The following CPED1 variants were observed in gnomAD, a reference collection of about 807,000 sequenced individuals.
CPED1 encodes cadherin-like and PC-esterase domain-containing protein 1.
Under a neutral mutation model 128.2 loss-of-function variants are expected in CPED1, and 114 were observed. That is an observed-to-expected ratio of 0.89 (90% CI 0.76 to 1.04). The LOEUF is 1.04. CPED1 is among the 50% of genes least tolerant of loss of function. CPED1 has a pLI of 0.00. For missense variants in CPED1, 1,211 were observed against 1,207.1 expected (o/e 1.00, Z -0.05); for synonymous variants, 462 against 426.7 (o/e 1.08, Z -1.02).
At chr7:121,048,151 C>G (rs1386861330) in intron 4 of CPED1, among the ~76,000 whole-genome samples, 1 of 152,090 alleles carries the variant, frequency 6.6e-6, no homozygotes, top group Admixed American at 6.5e-5. Flanking sequence ...TTTCAACAAC[C>G]ATTTGTAGTT....
intron 16 of CPED1, among the ~76,000 whole-genome samples, chr7:121,197,380 T>C (rs1797295170): frequency 6.6e-6 from 1 of 152,182 alleles, no homozygotes; most frequent in Non-Finnish European, 1.5e-5. Flanking sequence ...ACTGCTGCTA[T>C]GGATAACACC....
At chr7:121,295,339 C>T (rs971364286) in intron 22 of CPED1, 101 bp from the exon 23 acceptor site, 2 of 1,384,654 alleles carry the variant, frequency 1.4e-6, no homozygotes, top group African/African-American at 1.4e-5. Flanking sequence ...CTTTTAGCAA[C>T]ATCTGTGTGG....
intron 7 of CPED1, among the ~76,000 whole-genome samples, chr7:121,120,962 G>T (rs1795368155): frequency 1.1e-5 from 1 of 93,406 alleles, no homozygotes; most frequent in Non-Finnish European, 2.0e-5. Flanking sequence ...GACAGTTCCT[G>T]ACCTAAAAAA....
intron 16 of CPED1, among the ~76,000 whole-genome samples, chr7:121,233,900 T>G (rs901589608): frequency 2.0e-5 from 3 of 152,060 alleles, no homozygotes; most frequent in Non-Finnish European, 4.4e-5. Context: ...GCTCATTCTA[T>G]TTTTTCTGCC....
intron 7 of CPED1, among the ~76,000 whole-genome samples, chr7:121,107,164 A>G (rs980226451): frequency 1.3e-5 from 2 of 152,000 alleles, no homozygotes; most frequent in African/African-American, 4.8e-5. Flanking sequence ...TTAAGGCAAA[A>G]CTCCCTGCAA....
chr7:121,109,145 T>G lies in CPED1; in HGVS notation c.918+9051T>G, dbSNP rs74405429. 9.2e-4 allele frequency among the ~76,000 whole-genome samples: 140 copies of G among 152,194 alleles called. 2 individuals carry two copies. The highest frequency in any genetic ancestry group is 3.3e-3 in the African/African-American group (135 of 41,538). ...GATATTATGATATAGAACTGAAAAT[T>G]TGTGTTTTATTTCTCTGAGTGCTAC... is the stretch of plus-strand genomic sequence containing the variant. On this transcript the variant is annotated intron_variant, in intron 7 of 22. Transcript: ENST00000310396.
At chr7:121,270,679 G>C (rs577660232) in intron 21 of CPED1, among the ~76,000 whole-genome samples, 1 of 151,986 alleles carries the variant, frequency 6.6e-6, no homozygotes, top group Non-Finnish European at 1.5e-5. Context: ...GTTGAAATAA[G>C]TTGGTTATAG....
intron 4 of CPED1, among the ~76,000 whole-genome samples, chr7:121,060,898 C>T (rs1386609484): frequency 6.6e-6 from 1 of 152,190 alleles, no homozygotes; most frequent in Non-Finnish European, 1.5e-5. Context: ...ACACTCACTG[C>T]GAAGATCTGC....
chr7:121,294,369 C>T (rs1792776202), intron 22 of CPED1, among the ~76,000 whole-genome samples: 1 of 152,076 alleles, frequency 6.6e-6, no homozygotes, highest in Admixed American at 6.6e-5. Flanking sequence ...CATGATGCTT[C>T]TTAAAACCGC....
Position 121,038,883 on chromosome 7 carries a change from T to C in CPED1, c.434-8004T>C, listed in dbSNP as rs140507669. On this transcript the variant is annotated intron_variant, in intron 3 of 22. Transcript: ENST00000310396. ...GTTTGAAGGAGTGTGAACACAGAGA[T>C]AAAGCATCATCCTTATCATGTCATG... Among the ~76,000 whole-genome samples the C allele has an allele frequency of 4.6e-5, 7 of 152,190 alleles. No homozygotes were observed. The East Asian group carries it at 1.4e-3, about 29-fold the overall frequency.
intron 16 of CPED1, among the ~76,000 whole-genome samples, chr7:121,234,982 C>T (rs893277744): frequency 9.2e-5 from 14 of 152,112 alleles, no homozygotes; most frequent in African/African-American, 3.1e-4. Context: ...GTTGCAGAGT[C>T]TCTGCACTTT....
At chr7:121,186,384 T>C (rs1157352591) in intron 16 of CPED1, among the ~76,000 whole-genome samples, 1 of 152,186 alleles carries the variant, frequency 6.6e-6, no homozygotes, top group Non-Finnish European at 1.5e-5. Context: ...CTAGCACTTA[T>C]CTGTTATTAT....
chr7:121,109,914 G>A (rs1418404236), intron 7 of CPED1, among the ~76,000 whole-genome samples: 11 of 152,130 alleles, frequency 7.2e-5, no homozygotes, highest in Admixed American at 7.2e-4. Context: ...TGAATAGGAC[G>A]ATGATTACAT....
chr7:121,201,094 T>A (rs951987665), intron 16 of CPED1, among the ~76,000 whole-genome samples: 1 of 152,044 alleles, frequency 6.6e-6, no homozygotes, highest in Admixed American at 6.6e-5. Flanking sequence ...GAAAATCGGA[T>A]CTGAGATACA....
rs541540096 is a variant in CPED1 at position 121,097,349 on chromosome 7, T to A, written c.617-350T>A. Among the ~76,000 whole-genome samples, 5 of 152,272 alleles carry A rather than the reference T, an allele frequency of 3.3e-5. No homozygotes were observed. In the East Asian group the frequency reaches 9.6e-4, roughly 29 times the overall value. ...ATTCTCATGACAAACAAAAGTCTGC[T>A]CTTGCAGCCACCACCCCCTCATTGA... On this transcript the variant is annotated intron_variant, in intron 5 of 22. Coordinates refer to ENST00000310396, the MANE Select transcript of CPED1 (RefSeq NM_024913.5).
intron 3 of CPED1, among the ~76,000 whole-genome samples, chr7:121,024,327 C>G (rs1792514597): frequency 6.6e-6 from 1 of 152,082 alleles, no homozygotes; most frequent in African/African-American, 2.4e-5. Context: ...CTGATGTTTT[C>G]TTTACCCTTC....
intron 5 of CPED1, among the ~76,000 whole-genome samples, chr7:121,065,505 A>G (rs528210858): frequency 3.7e-4 from 57 of 152,276 alleles, no homozygotes; most frequent in Non-Finnish European, 7.4e-4. Context: ...ACTTTTGACC[A>G]GAACCTACAG....
intron 16 of CPED1, among the ~76,000 whole-genome samples, chr7:121,161,604 T>C (rs568714932): frequency 2.2e-4 from 33 of 152,310 alleles, no homozygotes; most frequent in African/African-American, 7.5e-4. Context: ...TGGAGGAAGA[T>C]GGATATACAT....
At chr7:121,279,197 G>A (rs1031435275) in intron 22 of CPED1, among the ~76,000 whole-genome samples, 12 of 151,934 alleles carry the variant, frequency 7.9e-5, no homozygotes, top group African/African-American at 2.2e-4. Flanking sequence ...TAAAGAAGCT[G>A]GTTAGCTTAG....
Sources: allele counts gnomAD v4.1 joint callset (sites outside exome capture counted in the v4.1 genomes callset), GRCh38; gene constraint gnomAD v4.1.1; transcripts MANE v1.5; gene names NCBI Gene and HGNC (gene_info 2026-07-23, HGNC 2026-07-21).